The following SHANK2 variants were observed in gnomAD, a reference collection of about 807,000 sequenced individuals.
SHANK2 encodes SH3 and multiple ankyrin repeat domains protein 2.
In SHANK2, 43 loss-of-function variants were observed where a neutral mutation model predicts 133.7. The ratio of observed to expected loss-of-function variants is 0.32; its 90% CI spans 0.25 to 0.41. The LOEUF (loss-of-function observed/expected upper bound fraction) is 0.41, where lower values mean the gene tolerates loss of function less well. SHANK2 is among the 10% of genes least tolerant of loss of function. The pLI is 1.00. For synonymous variants in SHANK2, 1,017 were observed against 952.8 expected (o/e 1.07, Z -1.24); for missense variants, 1,994 against 2,235.8 (o/e 0.89, Z 2.18).
At chr11:71,140,438 T>G (rs1555105552) in intron 3 of SHANK2, among the ~76,000 whole-genome samples, 1 of 152,176 alleles carries the variant, frequency 6.6e-6, no homozygotes. Context: ...AGGGGAAGAT[T>G]ACCCTGCCAA....
intron 8 of SHANK2, among the ~76,000 whole-genome samples, chr11:71,087,259 G>A (rs1301660454): frequency 2.6e-5 from 4 of 152,146 alleles, no homozygotes; most frequent in Admixed American, 2.0e-4. Context: ...AGCCTCCACC[G>A]TTACCTCCAT....
At chr11:70,529,003 G>A (rs1294361689) in intron 17 of SHANK2, among the ~76,000 whole-genome samples, 1 of 152,166 alleles carries the variant, frequency 6.6e-6, no homozygotes. Flanking sequence ...TCTCCTCAAT[G>A]TGATGATGGG....
intron 14 of SHANK2, among the ~76,000 whole-genome samples, chr11:70,759,314 G>T (rs529561558): frequency 9.9e-5 from 15 of 151,728 alleles, no homozygotes; most frequent in Non-Finnish European, 1.8e-4. Flanking sequence ...GCCAAACCCC[G>T]TCACTAGTAA....
chr11:70,715,754 C>T (rs1198476091), intron 14 of SHANK2, among the ~76,000 whole-genome samples: 4 of 152,194 alleles, frequency 2.6e-5, no homozygotes, highest in Non-Finnish European at 5.9e-5. Context: ...CATGCCGAAG[C>T]AGGCTCCGTT....
At position 70,599,776 on chromosome 11, in the gene SHANK2, T is replaced by C. The variant is rs189433903; in HGVS notation, c.2061+60052A>G. 1.3e-4 allele frequency among the ~76,000 whole-genome samples: 19 copies of C among 141,262 alleles called. No individual in the cohort carries two copies. The East Asian group carries it at 3.7e-3, about 28-fold the overall frequency. 92.7% of individuals were successfully genotyped at this position (141,262 alleles called of 152,430 possible). A position where few individuals can be genotyped will look rare whatever the true frequency, so the allele number is the denominator to read the frequency against. On this transcript the variant is annotated intron_variant, in intron 17 of 25. Transcript: ENST00000601538. ...CATTGCACTCCAGCCCGGGTTACAG[T>C]GTGAGATTCTGAAAGAAGAAAAGAA...
intron 15 of SHANK2, among the ~76,000 whole-genome samples, chr11:70,677,423 G>C (rs1565234311): frequency 6.6e-6 from 1 of 152,186 alleles, no homozygotes; most frequent in African/African-American, 2.4e-5. Context: ...CACCACCCAC[G>C]ATTCTGAAAA....
intron 1 of SHANK2, among the ~76,000 whole-genome samples, chr11:71,239,466 A>C (rs547918516): frequency 6.7e-6 from 1 of 149,382 alleles, no homozygotes; most frequent in East Asian, 2.0e-4. Flanking sequence ...TGGTAAAAAA[A>C]TTTTTTTTTT....
chr11:70,933,899 CA>C (rs35735097), intron 10 of SHANK2, among the ~76,000 whole-genome samples: 40,850 of 123,146 alleles, frequency 0.33, 8,389 homozygotes, highest in African/African-American at 0.68. Flanking sequence ...GACTGTGTCT[CA>C]AAAAAAAAAA....
intron 16 of SHANK2, among the ~76,000 whole-genome samples, chr11:70,661,355 A>G (rs1373372363): frequency 6.6e-6 from 1 of 152,180 alleles, no homozygotes; most frequent in African/African-American, 2.4e-5. Context: ...ACAGAAAATT[A>G]AAAACATTCC....
At position 70,628,813 on chromosome 11, in the gene SHANK2, C is replaced by T. The variant is rs1011930963; in HGVS notation, c.2061+31015G>A. Among the ~76,000 whole-genome samples, 10 of 152,210 alleles carry T rather than the reference C, an allele frequency of 6.6e-5. No homozygotes were observed. In the East Asian group the frequency reaches 1.9e-3, roughly 29 times the overall value. On this transcript the variant is annotated intron_variant, in intron 17 of 25. Transcript: ENST00000601538. The stretch of plus-strand genomic sequence containing the variant: ...CTCAAACTGAGTGTCTAGGAAGAGT[C>T]TCTTGACTAGGGGAGTGAACAGGTC...
chr11:70,620,935 T>C (rs1554997537), intron 17 of SHANK2, among the ~76,000 whole-genome samples: 1 of 152,216 alleles, frequency 6.6e-6, no homozygotes, highest in Non-Finnish European at 1.5e-5. Flanking sequence ...CCCTGGTCTG[T>C]CGAACCTTAT....
At chr11:70,852,693 A>C (rs1257643535) in intron 11 of SHANK2, among the ~76,000 whole-genome samples, 4 of 152,186 alleles carry the variant, frequency 2.6e-5, no homozygotes, top group Non-Finnish European at 4.4e-5. Flanking sequence ...AAATACAAAA[A>C]TTAGCCAGGC....
At chr11:70,534,500 A>C (rs1554973835) in intron 17 of SHANK2, among the ~76,000 whole-genome samples, 2 of 152,218 alleles carry the variant, frequency 1.3e-5, no homozygotes, top group African/African-American at 4.8e-5. Flanking sequence ...GTCCTTGCTC[A>C]GCCCTGGGAG....
chr11:70,490,222 G>T, intron 23 of SHANK2, 54 bp downstream of exon 23: 1 of 1,440,106 alleles, frequency 6.9e-7, no homozygotes, highest in Non-Finnish European at 9.8e-7. Flanking sequence ...GGGGCCTAAG[G>T]CTGTGTTTGA....
rs1055002748 is a variant in SHANK2, at chr11:70,830,501, C to T, written c.1175-9819G>A. ...CCACGGAGACCCAGAAACCTGCCAC[C>T]GACCAGGTGACCTTGGAGAGCTGGG... On this transcript the variant is annotated intron_variant, in intron 11 of 25. Coordinates refer to ENST00000601538, the MANE Select transcript of SHANK2 (RefSeq NM_012309.5). The surrounding 1 kb of genome is among the most constrained non-coding windows in gnomAD (Gnocchi z 4.4). 1.3e-5 allele frequency among the ~76,000 whole-genome samples: 2 copies of T among 152,192 alleles called. No homozygotes were observed. The highest frequency in any genetic ancestry group is 2.1e-4 in the South Asian group (1 of 4,826).
intron 17 of SHANK2, among the ~76,000 whole-genome samples, chr11:70,537,451 G>C (rs2059559801): frequency 1.3e-5 from 2 of 152,274 alleles, no homozygotes; most frequent in Admixed American, 6.5e-5. Context: ...ACACAGCTGG[G>C]AGAGGGCATG....
At position 70,528,953 on chromosome 11, in the gene SHANK2, C is replaced by CA. The variant is rs558895688; in HGVS notation, c.2062-26023dup. Reference sequence around the variant, plus strand: ...GGAGGCCCCCGTGACGATTTCCCCCCACTGGTGGCCTTGTGGGAGCCTTAG... The same window carrying CA: ...GGAGGCCCCCGTGACGATTTCCCCCCAACTGGTGGCCTTGTGGGAGCCTTAG... On this transcript the variant is annotated intron_variant, in intron 17 of 25. Coordinates refer to ENST00000601538, the MANE Select transcript of SHANK2 (RefSeq NM_012309.5). 3.1e-4 allele frequency among the ~76,000 whole-genome samples: 47 copies of CA among 152,256 alleles called. 2 individuals are homozygous for CA. In the South Asian group the frequency reaches 9.5e-3, roughly 31 times the overall value.
At chr11:70,717,272 C>T (rs908989375) in intron 14 of SHANK2, among the ~76,000 whole-genome samples, 13 of 152,116 alleles carry the variant, frequency 8.5e-5, no homozygotes, top group Admixed American at 2.6e-4. Context: ...ATCATGCAAC[C>T]GACCTCCCTT....
At chr11:71,070,221 A>G (rs1395493510) in intron 9 of SHANK2, among the ~76,000 whole-genome samples, 1 of 152,154 alleles carries the variant, frequency 6.6e-6, no homozygotes, top group Non-Finnish European at 1.5e-5. Context: ...AGACACTCCA[A>G]AGAGTTTGGG....
Sources: gnomAD v4.1 joint callset for allele counts (sites outside exome capture counted in the v4.1 genomes callset) on GRCh38, gnomAD v4.1.1 for gene constraint, Gnocchi (gnomAD v3.1) non-coding constraint, MANE v1.5 for transcripts, NCBI Gene and HGNC (gene_info 2026-07-23, HGNC 2026-07-21) for gene names.